DLGAP4: variants seen among roughly 807,000 people sequenced by gnomAD.
The protein encoded by DLGAP4 is DLG associated protein 4, also known as disks large-associated protein 4.
A neutral mutation model predicts 86.9 loss-of-function variants in DLGAP4; 18 were observed. The ratio of observed to expected loss-of-function variants is 0.21; its 90% CI spans 0.14 to 0.31. The LOEUF is 0.31. Ranked by LOEUF, DLGAP4 falls within the 10% of genes least tolerant of loss-of-function variation. DLGAP4 has a pLI of 1.00. For missense variants in DLGAP4, 1,085 were observed against 1,362.6 expected (o/e 0.80, Z 3.21); for synonymous variants, 548 against 574.3 (o/e 0.95, Z 0.65).
intron 1 of DLGAP4, among the ~76,000 whole-genome samples, chr20:36,358,749 A>G (rs1290455556): frequency 6.6e-6 from 1 of 152,204 alleles, no homozygotes; most frequent in African/African-American, 2.4e-5. Flanking sequence ...CGGAGCTTGC[A>G]GTGAGCCGAG....
intron 7 of DLGAP4, among the ~76,000 whole-genome samples, chr20:36,489,790 C>T (rs2035579275): frequency 1.3e-5 from 2 of 150,884 alleles, no homozygotes; most frequent in African/African-American, 2.4e-5. Context: ...AGGATGCTGC[C>T]GTGAGAGGGG....
chr20:36,397,392 G>A (rs1467607328), intron 2 of DLGAP4, among the ~76,000 whole-genome samples: 2 of 152,148 alleles, frequency 1.3e-5, no homozygotes, highest in East Asian at 1.9e-4. Context: ...CAGCCCTTCC[G>A]TGTCACGCCC....
At chr20:36,332,263 G>C (rs1262249380) in intron 1 of DLGAP4, among the ~76,000 whole-genome samples, 1 of 152,112 alleles carries the variant, frequency 6.6e-6, no homozygotes, top group Non-Finnish European at 1.5e-5. Flanking sequence ...CCCAGCCTTT[G>C]AGCCTCATCC....
At chr20:36,400,694 G>C (rs1208335436) in intron 2 of DLGAP4, among the ~76,000 whole-genome samples, 1 of 151,944 alleles carries the variant, frequency 6.6e-6, no homozygotes, top group African/African-American at 2.4e-5. Flanking sequence ...GCCTTTGTTC[G>C]TATGGAAAGT....
At chr20:36,403,865 T>C (rs747076264) in intron 2 of DLGAP4, among the ~76,000 whole-genome samples, 2 of 152,210 alleles carry the variant, frequency 1.3e-5, no homozygotes, top group African/African-American at 2.4e-5. Flanking sequence ...AGCTCACTTA[T>C]AGGGCTGATG....
rs982874995 is a variant in DLGAP4, at chr20:36,350,184, C to G, written c.-303-16861C>G. On this transcript the variant is annotated intron_variant, in intron 1 of 12. Transcript: ENST00000339266. The surrounding 1 kb of genome is among the most constrained non-coding windows in gnomAD (Gnocchi z 4.4). Reference sequence around the variant, plus strand: ...ACCCAGAAGGCTGGCGGGTGCCAAGCCTGGATCGTCCCCCGAGCTCAGCTT... The same window carrying G: ...ACCCAGAAGGCTGGCGGGTGCCAAGGCTGGATCGTCCCCCGAGCTCAGCTT... Among the ~76,000 whole-genome samples the G allele has an allele frequency of 3.9e-5, 6 of 152,222 alleles. No homozygotes were observed. In the East Asian group the frequency reaches 7.7e-4, roughly 20 times the overall value.
At chr20:36,366,955 T>C (rs554742880) in intron 1 of DLGAP4, 90 bp from the exon 2 acceptor site, 2 of 152,302 alleles carry the variant, frequency 1.3e-5, no homozygotes, top group Non-Finnish European at 2.9e-5. Context: ...GTCGTCTCCT[T>C]CCCTCGTGTC....
At chr20:36,499,910 A>G (rs1353149899) in intron 9 of DLGAP4, among the ~76,000 whole-genome samples, 2 of 152,180 alleles carry the variant, frequency 1.3e-5, no homozygotes, top group South Asian at 2.1e-4. Flanking sequence ...GGGCCAGGAC[A>G]TGGCGTCAGC....
chr20:36,452,825 T>C (rs1264232505), intron 7 of DLGAP4, among the ~76,000 whole-genome samples: 1 of 142,840 alleles, frequency 7.0e-6, no homozygotes, highest in African/African-American at 2.7e-5. Context: ...CTTGTGTAAG[T>C]CTTTTTTTTT....
chr20:36,462,035 A>T (rs968670390), intron 7 of DLGAP4: 51 of 985,966 alleles, frequency 5.2e-5, no homozygotes, highest in Non-Finnish European at 6.0e-5. Context: ...CACTCTCCCC[A>T]AGGGCTCCCC....
intron 1 of DLGAP4, among the ~76,000 whole-genome samples, chr20:36,344,878 G>A (rs2029891159): frequency 6.6e-6 from 1 of 152,194 alleles, no homozygotes; most frequent in Non-Finnish European, 1.5e-5. Flanking sequence ...GGCACATCGA[G>A]TCCACTGGAC....
chr20:36,493,447 G>A (rs2035752404), intron 7 of DLGAP4, among the ~76,000 whole-genome samples: 1 of 152,228 alleles, frequency 6.6e-6, no homozygotes, highest in South Asian at 2.1e-4. Context: ...CTGTGACCCA[G>A]TGAGAATCCC....
At chr20:36,497,306 G>T in intron 8 of DLGAP4, 1 of 1,378,766 alleles carries the variant, frequency 7.3e-7, no homozygotes. Context: ...CCAGTGGGTT[G>T]TCCCAGTGAA....
rs1235099660 is a variant in DLGAP4 at position 36,393,704 on chromosome 20, G to C, written c.-73+26429G>C. Among the ~76,000 whole-genome samples, 1 of 152,182 alleles carries C rather than the reference G, an allele frequency of 6.6e-6. No homozygotes were observed. Among genetic ancestry groups the C allele is most frequent in the African/African-American group, 2.4e-5 (1 of 41,442 alleles). ...GCACTTAGGAGGGAAGGAAAGGGGGGCTCTGTGCCTGCACCCTTTGTGGCA... is the reference window on the plus strand; with the variant it reads ...GCACTTAGGAGGGAAGGAAAGGGGGCCTCTGTGCCTGCACCCTTTGTGGCA... On this transcript the variant is annotated intron_variant, in intron 2 of 12. Coordinates refer to ENST00000339266, the MANE Select transcript of DLGAP4 (RefSeq NM_001365621.2). The surrounding 1 kb of genome is among the most constrained non-coding windows in gnomAD (Gnocchi z 4.4).
intron 10 of DLGAP4, among the ~76,000 whole-genome samples, chr20:36,507,218 T>G (rs868736635): frequency 4.5e-4 from 69 of 151,990 alleles, no homozygotes; most frequent in Middle Eastern, 3.4e-3. Flanking sequence ...AGTTGTTTTT[T>G]TTTTGTTTTG....
At chr20:36,465,687 A>ACACC (rs1327780038) in intron 7 of DLGAP4, among the ~76,000 whole-genome samples, 1 of 152,156 alleles carries the variant, frequency 6.6e-6, no homozygotes, top group African/African-American at 2.4e-5. Context: ...GCAACCAGAC[A>ACACC]CACCCAGAGG....
chr20:36,332,980 C>T (rs1314934187), intron 1 of DLGAP4, among the ~76,000 whole-genome samples: 1 of 152,224 alleles, frequency 6.6e-6, no homozygotes, highest in East Asian at 1.9e-4. Context: ...AGCAAATTCT[C>T]ACCCTCTCAG....
intron 7 of DLGAP4, among the ~76,000 whole-genome samples, chr20:36,479,435 A>G (rs1475971353): frequency 6.6e-6 from 1 of 152,106 alleles, no homozygotes; most frequent in Non-Finnish European, 1.5e-5. Flanking sequence ...CTCAGGGTCT[A>G]AAGGAGGAAG....
At chr20:36,313,314 G>A (rs1298553273) in intron 1 of DLGAP4, among the ~76,000 whole-genome samples, 12 of 152,130 alleles carry the variant, frequency 7.9e-5, no homozygotes, top group Non-Finnish European at 1.3e-4. Flanking sequence ...TTCTCCCTCC[G>A]TGGCTGCCAC....
Sources: gnomAD v4.1 joint callset for allele counts (sites outside exome capture counted in the v4.1 genomes callset) on GRCh38, gnomAD v4.1.1 for gene constraint, Gnocchi (gnomAD v3.1) non-coding constraint, MANE v1.5 for transcripts, NCBI Gene and HGNC (gene_info 2026-07-23, HGNC 2026-07-21) for gene names.